Variants in IQCJ observed in about 807,000 individuals in gnomAD.
The protein encoded by IQCJ is IQ domain-containing protein J.
IQCJ carries 9 observed loss-of-function variants against 11.0 expected under a neutral mutation model. The observed-to-expected ratio is 0.82, with a 90% CI of 0.49 to 1.43. IQCJ has a LOEUF of 1.43. Among genes scored for constraint, IQCJ ranks in the 40% most tolerant of loss-of-function variants. The probability of loss-of-function intolerance (pLI) is 0.00; values close to 1 mark genes in which losing one functional copy is unlikely to be tolerated. For missense variants in IQCJ, 146 were observed against 133.2 expected (o/e 1.10, Z -0.47); for synonymous variants, 55 against 51.3 (o/e 1.07, Z -0.31).
At chr3:159,120,937 T>G (rs1228581381) in intron 1 of IQCJ, among the ~76,000 whole-genome samples, 1 of 152,122 alleles carries the variant, frequency 6.6e-6, no homozygotes, top group Non-Finnish European at 1.5e-5. Flanking sequence ...CAGACATTTT[T>G]TTTTTCAAAT....
chr3:159,255,719 G>C (rs1727859149), intron 3 of IQCJ, among the ~76,000 whole-genome samples: 1 of 152,144 alleles, frequency 6.6e-6, no homozygotes, highest in African/African-American at 2.4e-5. Flanking sequence ...TTGAGTATTA[G>C]ACCAGAGGAT....
At chr3:159,235,356 G>T (rs186737776) in intron 1 of IQCJ, among the ~76,000 whole-genome samples, 5 of 152,284 alleles carry the variant, frequency 3.3e-5, no homozygotes, top group Admixed American at 2.6e-4. Flanking sequence ...TAGACATTTT[G>T]TAATGAGCCA....
intron 1 of IQCJ, among the ~76,000 whole-genome samples, chr3:159,197,762 A>T (rs1239989276): frequency 6.6e-6 from 1 of 151,966 alleles, no homozygotes; most frequent in Non-Finnish European, 1.5e-5. Context: ...GTGCAAAGGG[A>T]GCAGCTACTC....
At chr3:159,256,371 AAGACAGAG>A (rs1727896565) in intron 3 of IQCJ, among the ~76,000 whole-genome samples, 1 of 152,104 alleles carries the variant, frequency 6.6e-6, no homozygotes, top group Non-Finnish European at 1.5e-5. Flanking sequence ...GAGAGAGAGA[AAGACAGAG>A]AGACAGAGAG....
intron 1 of IQCJ, among the ~76,000 whole-genome samples, chr3:159,129,749 A>G (rs1048516373): frequency 2.6e-5 from 4 of 152,210 alleles, no homozygotes; most frequent in African/African-American, 9.7e-5. Context: ...TCCCTGATGT[A>G]GATTCATACA....
intron 2 of IQCJ, among the ~76,000 whole-genome samples, chr3:159,252,313 A>C (rs1400187565): frequency 6.6e-6 from 1 of 152,162 alleles, no homozygotes; most frequent in East Asian, 1.9e-4. Context: ...TTACAAATGA[A>C]AGGAGGAAAG....
intron 1 of IQCJ, among the ~76,000 whole-genome samples, chr3:159,198,470 G>A (rs1724124631): frequency 6.6e-6 from 1 of 152,134 alleles, no homozygotes; most frequent in African/African-American, 2.4e-5. Flanking sequence ...TGAAGAAAAT[G>A]ATGAAAAGCT....
intron 1 of IQCJ, among the ~76,000 whole-genome samples, chr3:159,177,638 T>C (rs1361101989): frequency 1.3e-5 from 2 of 152,250 alleles, no homozygotes; most frequent in South Asian, 2.1e-4. Flanking sequence ...GGGGAATTTT[T>C]TGAGGTGGTA....
At chr3:159,118,715 A>G (rs997728962) in intron 1 of IQCJ, among the ~76,000 whole-genome samples, 2 of 152,050 alleles carry the variant, frequency 1.3e-5, no homozygotes, top group African/African-American at 4.8e-5. Context: ...TAAACCATAC[A>G]CATACTGAAC....
chr3:159,112,181 C>G (rs2108121981), intron 1 of IQCJ, among the ~76,000 whole-genome samples: 1 of 152,276 alleles, frequency 6.6e-6, no homozygotes, highest in South Asian at 2.1e-4. Context: ...AAGTCTCTGG[C>G]TGATATGACC....
In IQCJ at chr3:159,168,967, CATG is replaced by C. The variant is rs71144474; in HGVS notation, c.10-76846_10-76844del. ...GCCATCATTCTCATGACGATGAAGA[CATG>C]ATGATGATGATGATGATGATGATGA... On this transcript the variant is annotated intron_variant, in intron 1 of 3. Coordinates refer to ENST00000397832, the MANE Select transcript of IQCJ (RefSeq NM_001042706.3). 3.9e-3 allele frequency among the ~76,000 whole-genome samples: 586 copies of C among 148,990 alleles called. 3 individuals are homozygous for C. The highest frequency in any genetic ancestry group is 0.013 in the African/African-American group (519 of 40,582).
chr3:159,177,694 G>A (rs528468862), intron 1 of IQCJ, among the ~76,000 whole-genome samples: 14 of 152,194 alleles, frequency 9.2e-5, no homozygotes, highest in East Asian at 3.9e-4. Flanking sequence ...TGTAGCATTC[G>A]TCAAAATGCA....
At chr3:159,111,648 C>G (rs1185134816) in intron 1 of IQCJ, among the ~76,000 whole-genome samples, 1 of 152,158 alleles carries the variant, frequency 6.6e-6, no homozygotes, top group Admixed American at 6.5e-5. Flanking sequence ...GGCCAAATGA[C>G]ATCACCCCTC....
chr3:159,092,699 A>AACACACACACACACACACACAC (rs57083405), intron 1 of IQCJ, among the ~76,000 whole-genome samples: 1,814 of 141,598 alleles, frequency 0.013, 43 homozygotes, highest in East Asian at 0.047. Context: ...CTCCATCACA[A>AACACACACACACACACACACAC]ACACACACAC....
intron 1 of IQCJ, among the ~76,000 whole-genome samples, chr3:159,085,964 T>C (rs952773122): frequency 2.0e-5 from 3 of 152,164 alleles, no homozygotes; most frequent in African/African-American, 7.2e-5. Context: ...GCTATTGCTT[T>C]TGGTGTTTTA....
At chr3:159,235,757 C>T (rs759678450) in intron 1 of IQCJ, among the ~76,000 whole-genome samples, 12 of 152,128 alleles carry the variant, frequency 7.9e-5, no homozygotes, top group African/African-American at 2.4e-4. Context: ...TTGACATTTT[C>T]GCATGTGGCA....
chr3:159,155,628 A>AT (rs1435252592), intron 1 of IQCJ, among the ~76,000 whole-genome samples: 1 of 152,210 alleles, frequency 6.6e-6, no homozygotes, highest in African/African-American at 2.4e-5. Flanking sequence ...AAACAAAGTA[A>AT]TTTTTACTTC....
chr3:159,127,317 G>A lies in IQCJ; in HGVS notation c.9+57876G>A, dbSNP rs1444012485. On this transcript the variant is annotated intron_variant, in intron 1 of 3. Transcript: ENST00000397832. The stretch of plus-strand genomic sequence containing the variant: ...AGGGGTTGGCAAGGGCACAGGCTTT[G>A]GGATTCTGGCTCCACTGACCAGCTG... Among the ~76,000 whole-genome samples the A allele has an allele frequency of 2.6e-5, 4 of 152,158 alleles. No homozygotes were observed. In the East Asian group the frequency reaches 7.7e-4, roughly 29 times the overall value.
chr3:159,093,192 G>C (rs2108086569), intron 1 of IQCJ, among the ~76,000 whole-genome samples: 1 of 151,834 alleles, frequency 6.6e-6, no homozygotes, highest in East Asian at 1.9e-4. Flanking sequence ...GTGTAGGTTA[G>C]CATATAAACC....
Sources: gnomAD v4.1 joint callset for allele counts (sites outside exome capture counted in the v4.1 genomes callset) on GRCh38, gnomAD v4.1.1 for gene constraint, MANE v1.5 for transcripts, NCBI Gene and HGNC (gene_info 2026-07-23, HGNC 2026-07-21) for gene names.